The following RAD54L variants were observed in gnomAD, a reference collection of about 807,000 sequenced individuals.
RAD54L encodes the protein RAD54 like.
A neutral mutation model predicts 91.6 loss-of-function variants in RAD54L; 74 were observed. The observed-to-expected ratio is 0.81, with a 90% CI of 0.67 to 0.98. The LOEUF (loss-of-function observed/expected upper bound fraction) is 0.98. Among genes scored for constraint, RAD54L ranks in the 50% least tolerant of loss-of-function variants. The pLI is 0.00. For synonymous variants in RAD54L, 304 were observed against 349.7 expected, an observed-to-expected ratio of 0.87 and a Z score of 1.46; for missense variants, 887 against 945.7, an observed-to-expected ratio of 0.94 and a Z score of 0.81.
At chr1:46,272,418 G>C in intron 10 of RAD54L, 48 bp from the exon 11 acceptor site, 1 of 1,472,066 alleles carries the variant, frequency 6.8e-7, no homozygotes, top group Non-Finnish European at 9.5e-7. Context: ...CCAGTAGTTA[G>C]CATGGCAATT....
At chr1:46,274,738 C>A in intron 16 of RAD54L, 21 bp downstream of exon 16, 1 of 1,613,688 alleles carries the variant, frequency 6.2e-7, no homozygotes, top group South Asian at 1.1e-5. Flanking sequence ...TGATAGTAGT[C>A]ATAGTAGGGG....
chr1:46,260,424 A>T (rs1275078588), intron 5 of RAD54L, 118 bp from the exon 6 acceptor site: 23 of 1,084,708 alleles, frequency 2.1e-5, no homozygotes, highest in Non-Finnish European at 3.1e-5. Flanking sequence ...TTATCAGCCA[A>T]GAAGGTCTTC....
chr1:46,272,886 A>G, intron 12 of RAD54L, 84 bp downstream of exon 12: 2 of 1,566,186 alleles, frequency 1.3e-6, no homozygotes, highest in Non-Finnish European at 1.8e-6. Flanking sequence ...AACCCTCACT[A>G]AAACTCGTCC....
At chr1:46,256,635 TAAA>T (rs575077176) in intron 3 of RAD54L, among the ~76,000 whole-genome samples, 5 of 141,646 alleles carry the variant, frequency 3.5e-5, no homozygotes, top group African/African-American at 1.0e-4. Context: ...CCCTGTCTTT[TAAA>T]AAAAAAAAAA....
Position 46,260,813 on chromosome 1 carries a change from A to T in RAD54L, c.564A>T (p.Gly188=), listed in dbSNP as rs1465169500. ...TCATGGCTGATGAGATGGGCCTAGG[A>T]AAGACGCTGCAGTGCATCACATTGA... The part of the protein sequence containing the change: ...GCIMADEMGL[G]KTLQCITLMW... The change falls in exon 7 of 18, where the codon GGA becomes GGT. Residue 188 remains glycine (G), a synonymous_variant. Transcript: ENST00000371975. The T allele has an allele frequency of 6.2e-7, 1 of 1,614,240 alleles. No homozygotes were observed. The highest frequency in any genetic ancestry group is 1.1e-5 in the South Asian group (1 of 91,090).
At chr1:46,254,857 G>C (rs1305012972) in intron 3 of RAD54L, among the ~76,000 whole-genome samples, 1 of 152,138 alleles carries the variant, frequency 6.6e-6, no homozygotes, top group Non-Finnish European at 1.5e-5. Context: ...AGAGTGCTGG[G>C]ATTACAGACG....
Position 46,278,450 on chromosome 1 carries a change from A to C in RAD54L, c.*168A>C. The C allele has an allele frequency of 1.2e-6, 1 of 853,574 alleles. No individual in the cohort carries two copies. The highest frequency in any genetic ancestry group is 1.8e-6 in the Non-Finnish European group (1 of 541,442). 52.9% of individuals were successfully genotyped at this position (853,574 alleles called of 1,614,324 possible). On this transcript the variant is annotated 3_prime_UTR_variant, in exon 18 of 18. Transcript: ENST00000371975. Reference sequence around the variant, plus strand: ...TAAGAAAAACTTTTTTGGTTAAAAAAAAGAATAAAGGTATGAAAGGGTTTG... The same window carrying C: ...TAAGAAAAACTTTTTTGGTTAAAAACAAGAATAAAGGTATGAAAGGGTTTG...
intron 16 of RAD54L, among the ~76,000 whole-genome samples, chr1:46,276,824 G>A (rs1245039134): frequency 6.6e-6 from 1 of 152,156 alleles, no homozygotes; most frequent in East Asian, 1.9e-4. Flanking sequence ...TTTTGAGATG[G>A]AGTCTTGCTC....
chr1:46,260,408 T>A, intron 5 of RAD54L, 134 bp from the exon 6 acceptor site: 1 of 1,002,390 alleles, frequency 1.0e-6, no homozygotes, highest in East Asian at 2.4e-5. Context: ...GCTATGGTTT[T>A]ACGATTTATC....
At chr1:46,272,025 C>CTTTTTTT (rs1162693010) in intron 10 of RAD54L, among the ~76,000 whole-genome samples, 573 of 41,152 alleles carry the variant, frequency 0.014, 128 homozygotes, top group Admixed American at 0.022. Context: ...GGTCTGATGA[C>CTTTTTTT]TTTTTTTTTT....
chr1:46,267,633 A>G, intron 9 of RAD54L, 24 bp downstream of exon 9: 1 of 1,590,398 alleles, frequency 6.3e-7, no homozygotes, highest in Non-Finnish European at 8.6e-7. Flanking sequence ...CTTGTTTGCC[A>G]CATCAGAGAG....
rs776998118 is a variant in RAD54L, at chr1:46,267,470, C to G, written c.903C>G (p.Leu301=). ...GGATTCTCTTGCAGGGACACAGGCT[C>G]AAGAACTCTGAGAATCAGACTTACC... ...GLVICDEGHR[L]KNSENQTYQA... The change falls in exon 9 of 18, where the codon CTC becomes CTG. Residue 301 remains leucine, a synonymous_variant. Transcript: ENST00000371975. The G allele has an allele frequency of 6.2e-7, 1 of 1,614,058 alleles. No individual in the cohort carries two copies. Among genetic ancestry groups the G allele is most frequent in the African/African-American group, 1.3e-5 (1 of 75,014 alleles).
Position 46,274,596 on chromosome 1 carries a change from T to A in RAD54L, c.1748T>A (p.Ile583Asn), listed in dbSNP as rs28363243. The change falls in exon 16 of 18, where the codon ATT becomes AAT. Residue 583 changes from isoleucine to asparagine, a missense_variant. Transcript: ENST00000371975. ...SKAGGCGLNLIGANRLVMFDP... is the reference protein window; with the variant it reads ...SKAGGCGLNLNGANRLVMFDP... ...GCTGGGGGCTGTGGCCTCAATCTCA[T>A]TGGGGCTAACCGGCTGGTCATGTTT... 1.2e-6 allele frequency: 2 copies of A among 1,613,820 alleles called. No individual in the cohort carries two copies. Among genetic ancestry groups the A allele is most frequent in the Non-Finnish European group, 1.7e-6 (2 of 1,180,020 alleles).
chr1:46,273,660 C>CCCGAAG lies in RAD54L; in HGVS notation c.1527_1532dup (p.Arg511_Ser512dup), dbSNP rs767879633. ...GTCCTGGATTATATTCTGGCGGTGA[C>CCCGAAG]CCGAAGCCGTAGCAGTGACAAAGTA... On this transcript the variant is annotated inframe_insertion, in exon 14 of 18. Transcript: ENST00000371975. The CCCGAAG allele has an allele frequency of 5.0e-6, 8 of 1,613,820 alleles. No individual in the cohort carries two copies. In the Admixed American group the frequency reaches 6.7e-5, roughly 13 times the overall value.
intron 9 of RAD54L, among the ~76,000 whole-genome samples, chr1:46,270,079 A>G (rs900907667): frequency 2.6e-5 from 4 of 151,792 alleles, no homozygotes; most frequent in Admixed American, 6.6e-5. Context: ...TCTCAAAAAA[A>G]AAAAAATTGG....
intron 16 of RAD54L, among the ~76,000 whole-genome samples, chr1:46,275,109 C>T (rs1379804063): frequency 1.3e-5 from 2 of 152,208 alleles, no homozygotes; most frequent in East Asian, 3.8e-4. Context: ...GACTTGACTA[C>T]ACTCTTTTCT....
rs533357059 is a variant in RAD54L at position 46,262,441 on chromosome 1, T to C, written c.891+1056T>C. On this transcript the variant is annotated intron_variant, in intron 8 of 17. Coordinates refer to ENST00000371975, the MANE Select transcript of RAD54L (RefSeq NM_003579.4). ...AAATAAAAACCAAAAAACACACATA[T>C]ACACAGACACACATGACCCTTTCTC... is the stretch of plus-strand genomic sequence containing the variant. Among the ~76,000 whole-genome samples the C allele has an allele frequency of 6.6e-5, 10 of 151,834 alleles. No individual in the cohort carries two copies. The East Asian group carries it at 1.9e-3, about 29-fold the overall frequency.
intron 4 of RAD54L, 132 bp from the exon 5 acceptor site, chr1:46,259,832 T>C: frequency 8.3e-7 from 1 of 1,206,594 alleles, no homozygotes; most frequent in Non-Finnish European, 1.2e-6. Context: ...CAAACTGAGT[T>C]TGGAGGCATT....
At position 46,274,326 on chromosome 1, in the gene RAD54L, A is replaced by C; in HGVS notation, c.1689+110A>C. ...GATTTTTTTTTTTTTTAATTCCCCT[A>C]GTGGATATAGTAGGATTTGTCTGGT... is the stretch of plus-strand genomic sequence containing the variant. On this transcript the variant is annotated intron_variant, in intron 15 of 17. Transcript: ENST00000371975. The C allele has an allele frequency of 3.1e-6, 4 of 1,271,826 alleles. No individual in the cohort carries two copies. The African/African-American group carries it at 6.0e-5, about 19-fold the overall frequency. The allele number at this position is 1,271,826 out of a possible 1,614,324, so 78.8% of individuals were successfully genotyped here.
Sources: gnomAD v4.1 joint callset for allele counts (sites outside exome capture counted in the v4.1 genomes callset) on GRCh38, gnomAD v4.1.1 for gene constraint, MANE v1.5 for transcripts, NCBI Gene and HGNC (gene_info 2026-07-23, HGNC 2026-07-21) for gene names.